SPTB: variants seen among roughly 807,000 people sequenced by gnomAD.
The protein encoded by SPTB is spectrin beta chain, erythrocytic.
In SPTB, 45 loss-of-function variants were observed where a neutral mutation model predicts 256.2. The ratio of observed to expected loss-of-function variants is 0.18; its 90% CI spans 0.14 to 0.23. The LOEUF (loss-of-function observed/expected upper bound fraction) is 0.23. Ranked by LOEUF, SPTB falls within the 10% of genes least tolerant of loss-of-function variation. SPTB has a pLI of 1.00. For missense variants in SPTB, 2,715 were observed against 3,040.4 expected (o/e 0.89, Z 2.52); for synonymous variants, 1,231 against 1,243.1 (o/e 0.99, Z 0.21).
At chr14:64,817,198 A>AG (rs3216699) in intron 2 of SPTB, among the ~76,000 whole-genome samples, 31,908 of 151,636 alleles carry the variant, frequency 0.21, 4,114 homozygotes, top group African/African-American at 0.35. Flanking sequence ...CACACAGTGC[A>AG]GGGGCATGCT....
At position 64,795,196 on chromosome 14, in the gene SPTB, C is replaced by T. The variant is rs1030737260; in HGVS notation, c.1644+141G>A. 4.0e-6 allele frequency: 4 copies of T among 1,001,628 alleles called. No homozygotes were observed. The highest frequency in any genetic ancestry group is 1.6e-5 in the South Asian group (1 of 63,130). 62.0% of individuals were successfully genotyped at this position (1,001,628 alleles called of 1,614,324 possible). On this transcript the variant is annotated intron_variant, in intron 12 of 35. Transcript: ENST00000644917. This position sits in a 1 kb window ranked among gnomAD's most constrained non-coding sequence, Gnocchi z 6.5. ...GCAGAGAGGCAGGTGCAGCTAGACACTTTGCTGCCTCAGTTTCTCTATTTT... is the reference window on the plus strand; with the variant it reads ...GCAGAGAGGCAGGTGCAGCTAGACATTTTGCTGCCTCAGTTTCTCTATTTT...
Position 64,825,908 on chromosome 14 carries a change from C to A in SPTB, c.-51-2763G>T, listed in dbSNP as rs1337964505. ...TGTGGCCATGGCTCAGAGAAGGCAG[C>A]AGCCGGGCAGCAGCTCTGCCAGGAA... is the stretch of plus-strand genomic sequence containing the variant. On this transcript the variant is annotated intron_variant, in intron 1 of 35. Transcript: ENST00000644917. This position sits in a 1 kb window ranked among gnomAD's most constrained non-coding sequence, Gnocchi z 4.8. Among the ~76,000 whole-genome samples, 1 of 152,366 alleles carries A rather than the reference C, an allele frequency of 6.6e-6. No homozygotes were observed. The highest frequency in any genetic ancestry group is 2.4e-5 in the African/African-American group (1 of 41,588).
chr14:64,750,725 G>A (rs2081933094), intron 33 of SPTB, among the ~76,000 whole-genome samples: 2 of 151,212 alleles, frequency 1.3e-5, no homozygotes, highest in Admixed American at 6.6e-5. Flanking sequence ...GTAGTGAGCC[G>A]AGATTGAGCC....
intron 2 of SPTB, among the ~76,000 whole-genome samples, chr14:64,818,497 C>T (rs1437442917): frequency 6.6e-6 from 1 of 152,258 alleles, no homozygotes; most frequent in Non-Finnish European, 1.5e-5. Context: ...TCCTCCACTC[C>T]CTGCTCTCCC....
At chr14:64,799,105 TTGTG>T (rs3831896) in intron 9 of SPTB, among the ~76,000 whole-genome samples, 15,223 of 152,256 alleles carry the variant, frequency 0.1, 915 homozygotes, top group African/African-American at 0.17. Flanking sequence ...GAGTGCACGG[TTGTG>T]TGTGTATGTT....
In SPTB at chr14:64,806,467, T is replaced by G. The variant is rs1201120380; in HGVS notation, c.149-1377A>C. On this transcript the variant is annotated intron_variant, in intron 2 of 35. Coordinates refer to ENST00000644917, the MANE Select transcript of SPTB (RefSeq NM_001355436.2). The surrounding 1 kb of genome is among the most constrained non-coding windows in gnomAD (Gnocchi z 4.1). ...GGTCGGAGCAGGCTGTGTGCTCGAC[T>G]GAGCCTCAACCGTGAAAGGGCTGGC... Among the ~76,000 whole-genome samples the G allele has an allele frequency of 2.0e-5, 3 of 152,268 alleles. No individual in the cohort carries two copies. The highest frequency in any genetic ancestry group is 4.4e-5 in the Non-Finnish European group (3 of 68,040).
Position 64,772,441 on chromosome 14 carries a change from C to T in SPTB, c.5553+139G>A. ...AACATCTGAAAGCCACTGCTCCCAG[C>T]CCTGAGCTCCTGGCTGTCTAAGGAG... On this transcript the variant is annotated intron_variant, in intron 26 of 35. Coordinates refer to ENST00000644917, the MANE Select transcript of SPTB (RefSeq NM_001355436.2). This position sits in a 1 kb window ranked among gnomAD's most constrained non-coding sequence, Gnocchi z 5.4. 1 of 1,186,832 alleles carries T rather than the reference C, an allele frequency of 8.4e-7. No individual in the cohort carries two copies. 73.5% of individuals were successfully genotyped at this position (1,186,832 alleles called of 1,614,324 possible). A position where few individuals can be genotyped will look rare whatever the true frequency, so the allele number is the denominator to read the frequency against.
chr14:64,797,475 A>T (rs1473911562), intron 10 of SPTB, among the ~76,000 whole-genome samples: 1 of 108,058 alleles, frequency 9.3e-6, no homozygotes, highest in Non-Finnish European at 1.9e-5. Flanking sequence ...TCCAAAAAAA[A>T]AAAAAAAAAA....
chr14:64,810,870 C>T (rs1206972073), intron 2 of SPTB, among the ~76,000 whole-genome samples: 1 of 152,186 alleles, frequency 6.6e-6, no homozygotes, highest in East Asian at 1.9e-4. Flanking sequence ...AATCCCAGAG[C>T]TTTGGGAGGC....
rs1882655794 is a variant in SPTB, at chr14:64,873,440, A to C, written c.-52+6352T>G. Among the ~76,000 whole-genome samples, 24 of 152,222 alleles carry C rather than the reference A, an allele frequency of 1.6e-4. No individual in the cohort carries two copies. Among genetic ancestry groups the C allele is most frequent in the Admixed American group, 1.6e-3 (24 of 15,282 alleles). The stretch of plus-strand genomic sequence containing the variant: ...TCCAAAATGAAGCATAAGCACAATA[A>C]TGCCCAGTAAATTTGGGGTAAAGGA... On this transcript the variant is annotated intron_variant, in intron 1 of 35. Transcript: ENST00000644917. This position sits in a 1 kb window ranked among gnomAD's most constrained non-coding sequence, Gnocchi z 4.3.
rs537999746 is a variant in SPTB at position 64,860,593 on chromosome 14, C to G, written c.-52+19199G>C. On this transcript the variant is annotated intron_variant, in intron 1 of 35. Coordinates refer to ENST00000644917, the MANE Select transcript of SPTB (RefSeq NM_001355436.2). ...ATATCATATATCCCACAGTAGGACA[C>G]TAAAAAAGAAAAAAGGATCGAGCCT... Among the ~76,000 whole-genome samples the G allele has an allele frequency of 8.6e-5, 13 of 151,618 alleles. No individual in the cohort carries two copies. The East Asian group carries it at 2.5e-3, about 29-fold the overall frequency.
chr14:64,750,224 T>A, intron 33 of SPTB, 70 bp from the exon 34 acceptor site: 1 of 1,498,124 alleles, frequency 6.7e-7, no homozygotes, highest in Admixed American at 2.2e-5. Flanking sequence ...TCCTATAGCT[T>A]CACCATTAAA....
intron 1 of SPTB, among the ~76,000 whole-genome samples, chr14:64,855,824 C>T (rs1227118823): frequency 6.6e-6 from 1 of 152,220 alleles, no homozygotes; most frequent in African/African-American, 2.4e-5. Context: ...ACCAGATTGC[C>T]TTAGAGGAGC....
At chr14:64,811,819 T>G (rs77490765) in intron 2 of SPTB, among the ~76,000 whole-genome samples, 8,985 of 152,234 alleles carry the variant, frequency 0.059, 333 homozygotes, top group Non-Finnish European at 0.092. Context: ...GATCAAGAAG[T>G]CTGATAAAAT....
In SPTB at chr14:64,764,798, A is replaced by G. The variant is rs1011686306; in HGVS notation, c.6345+1928T>C. Among the ~76,000 whole-genome samples the G allele has an allele frequency of 1.3e-5, 2 of 152,130 alleles. No homozygotes were observed. The highest frequency in any genetic ancestry group is 2.9e-5 in the Non-Finnish European group (2 of 68,008). On this transcript the variant is annotated intron_variant, in intron 32 of 35. Transcript: ENST00000644917. The surrounding 1 kb of genome is among the most constrained non-coding windows in gnomAD (Gnocchi z 4.2). Reference sequence around the variant, plus strand: ...TCCGCAGTCTGTGCCGGCCCCCCAGAGTTCGCTCTCCTTCCGGCAGGGGCT... The same window carrying G: ...TCCGCAGTCTGTGCCGGCCCCCCAGGGTTCGCTCTCCTTCCGGCAGGGGCT...
At chr14:64,750,369 ATTTT>A in intron 33 of SPTB, 1 of 452,526 alleles carries the variant, frequency 2.2e-6, no homozygotes, top group Non-Finnish European at 3.8e-6. Flanking sequence ...ACATTTTCGC[ATTTT>A]TTTTTTTACT....
chr14:64,793,225 A>C lies in SPTB; in HGVS notation c.2438T>G (p.Phe813Cys). The C allele has an allele frequency of 1.2e-6, 2 of 1,611,006 alleles. No homozygotes were observed. The highest frequency in any genetic ancestry group is 4.5e-5 in the East Asian group (2 of 44,888). The change falls in exon 14 of 36, where the codon TTT becomes TGT. Residue 813 changes from phenylalanine to cysteine, a missense_variant. Physicochemically the swap from Phe to Cys is radical, Grantham distance 205. Around this residue, in one of 4 missense-constraint regions of SPTB, gnomAD observed 2,239 missense variants for 2,384.4 expected, o/e 0.94. Coordinates refer to ENST00000644917, the MANE Select transcript of SPTB (RefSeq NM_001355436.2). The surrounding 1 kb of genome is among the most constrained non-coding windows in gnomAD (Gnocchi z 7.0). ...EQQAQGFPEEFRDSPDVTHRL... is the reference protein window; with the variant it reads ...EQQAQGFPEECRDSPDVTHRL... ...ATGGGTCACATCTGGGGAATCCCGA[A>C]ACTCTTCGGGGAATCCCTGGGCCTG...
At chr14:64,752,278 C>T (rs1411647543) in intron 33 of SPTB, 1 of 1,337,416 alleles carries the variant, frequency 7.5e-7, no homozygotes, top group Admixed American at 2.0e-5. Flanking sequence ...TCATCCTCCT[C>T]TTCTGTCTCC....
chr14:64,828,809 T>C (rs558675381), intron 1 of SPTB, among the ~76,000 whole-genome samples: 12 of 152,334 alleles, frequency 7.9e-5, no homozygotes, highest in African/African-American at 2.9e-4. Context: ...ATATCTATAG[T>C]AACTTCTCAC....
Sources: gnomAD v4.1 joint callset for allele counts (sites outside exome capture counted in the v4.1 genomes callset) on GRCh38, gnomAD v4.1.1 for gene constraint, gnomAD v4.1.1 regional missense constraint, Gnocchi (gnomAD v3.1) non-coding constraint, MANE v1.5 for transcripts, NCBI Gene and HGNC (gene_info 2026-07-23, HGNC 2026-07-21) for gene names.